Variants in ZNF892 observed in about 807,000 individuals in gnomAD.
The protein encoded by ZNF892 is zinc finger protein 892.
chr2:95,254,383 T>G, the ZNF892 span, among the ~76,000 whole-genome samples: 3 of 152,224 alleles, frequency 2.0e-5, no homozygotes, highest in Non-Finnish European at 2.9e-5. Context: ...TGGATTACGT[T>G]TATTGATTTG....
chr2:95,251,864 ACT>A, the ZNF892 span, among the ~76,000 whole-genome samples: 1 of 152,146 alleles, frequency 6.6e-6, no homozygotes, highest in South Asian at 2.1e-4. Flanking sequence ...GAAAACGAAG[ACT>A]CTTTAGGGAG....
chr2:95,210,071 A>ATATATATGTATATATG, the ZNF892 span, among the ~76,000 whole-genome samples: 11 of 151,266 alleles, frequency 7.3e-5, no homozygotes, highest in East Asian at 1.4e-3. Flanking sequence ...TTCGATTCAT[A>ATATATATGTATATATG]TATATATGTA....
At chr2:95,255,348 T>C in the ZNF892 span, among the ~76,000 whole-genome samples, 2 of 152,256 alleles carry the variant, frequency 1.3e-5, no homozygotes, top group Non-Finnish European at 2.9e-5. Flanking sequence ...CCAGTAGTCA[T>C]TCAGGAGCAG....
At chr2:95,207,911 C>G in the ZNF892 span, 171 of 398,470 alleles carry the variant, frequency 4.3e-4, no homozygotes, top group African/African-American at 3.2e-3. Flanking sequence ...CTGGCTGGCG[C>G]AGGCTCAGGA....
At chr2:95,209,883 G>T in the ZNF892 span, among the ~76,000 whole-genome samples, 714 of 152,264 alleles carry the variant, frequency 4.7e-3, 1 homozygote, top group Non-Finnish European at 7.5e-3. Context: ...ACCTTAAGGG[G>T]CCATAAACTT....
the ZNF892 span, among the ~76,000 whole-genome samples, chr2:95,221,467 T>G: frequency 6.6e-6 from 1 of 152,180 alleles, no homozygotes; most frequent in African/African-American, 2.4e-5. Flanking sequence ...TCTCCATCTC[T>G]GGGGGAGTTT....
At chr2:95,245,392 G>A in the ZNF892 span, among the ~76,000 whole-genome samples, 51 of 135,750 alleles carry the variant, frequency 3.8e-4, no homozygotes, top group African/African-American at 1.2e-3. Flanking sequence ...GACTACAGGC[G>A]CCCACCACCA....
At chr2:95,234,642 C>T in the ZNF892 span, among the ~76,000 whole-genome samples, 1 of 152,192 alleles carries the variant, frequency 6.6e-6, no homozygotes, top group Admixed American at 6.5e-5. Flanking sequence ...GATAGCTGAA[C>T]ACATGGGGGC....
At chr2:95,246,842 C>G in the ZNF892 span, among the ~76,000 whole-genome samples, 1 of 152,018 alleles carries the variant, frequency 6.6e-6, no homozygotes, top group African/African-American at 2.4e-5. Context: ...AACCACTGTT[C>G]AAAGAAATTA....
the ZNF892 span, among the ~76,000 whole-genome samples, chr2:95,223,732 T>C: frequency 3.9e-5 from 6 of 152,206 alleles, no homozygotes; most frequent in Admixed American, 3.3e-4. Context: ...TTATATACCA[T>C]AAAATTCATC....
the ZNF892 span, among the ~76,000 whole-genome samples, chr2:95,219,021 G>A: frequency 6.6e-6 from 1 of 152,112 alleles, no homozygotes; most frequent in Non-Finnish European, 1.5e-5. Context: ...GTTTGTTTGA[G>A]AGGGAGTCTC....
chr2:95,223,359 A>G, the ZNF892 span, among the ~76,000 whole-genome samples: 1 of 152,208 alleles, frequency 6.6e-6, no homozygotes, highest in South Asian at 2.1e-4. Flanking sequence ...TTCTTTAAAC[A>G]TAAGAATACT....
chr2:95,233,242 C>A, the ZNF892 span, among the ~76,000 whole-genome samples: 1 of 151,424 alleles, frequency 6.6e-6, no homozygotes, highest in East Asian at 1.9e-4. Flanking sequence ...CTCTGTCGCC[C>A]AGGTTGGAGT....
chr2:95,219,144 G>A, the ZNF892 span, among the ~76,000 whole-genome samples: 2 of 151,624 alleles, frequency 1.3e-5, no homozygotes, highest in South Asian at 2.1e-4. Flanking sequence ...GCCTACAGGC[G>A]CCTGCTACCA....
At chr2:95,236,755 A>G in the ZNF892 span, among the ~76,000 whole-genome samples, 1 of 152,200 alleles carries the variant, frequency 6.6e-6, no homozygotes, top group Non-Finnish European at 1.5e-5. Context: ...ACAAAAAATA[A>G]CAACCTTCTA....
the ZNF892 span, among the ~76,000 whole-genome samples, chr2:95,248,526 A>G: frequency 6.6e-6 from 1 of 152,186 alleles, no homozygotes; most frequent in African/African-American, 2.4e-5. Flanking sequence ...AAAGAACACG[A>G]AGCACAACAA....
chr2:95,240,982 C>T, the ZNF892 span, among the ~76,000 whole-genome samples: 2 of 152,222 alleles, frequency 1.3e-5, no homozygotes, highest in African/African-American at 4.8e-5. Flanking sequence ...CAGGGTTATA[C>T]GAACAGAGCT....
At chr2:95,238,620 C>T in the ZNF892 span, among the ~76,000 whole-genome samples, 2 of 152,328 alleles carry the variant, frequency 1.3e-5, no homozygotes, top group African/African-American at 4.8e-5. Flanking sequence ...ACAGTAATTC[C>T]TCTGATGGAT....
At chr2:95,217,650 A>G in the ZNF892 span, among the ~76,000 whole-genome samples, 2 of 152,178 alleles carry the variant, frequency 1.3e-5, no homozygotes, top group Non-Finnish European at 2.9e-5. Flanking sequence ...AGGAGGAGGG[A>G]TGCATCCTGA....
Sources: allele counts gnomAD v4.1 joint callset (sites outside exome capture counted in the v4.1 genomes callset), GRCh38; gene constraint gnomAD v4.1.1; transcripts MANE v1.5; gene names NCBI Gene and HGNC (gene_info 2026-07-23, HGNC 2026-07-21).